Variants in VAV3 observed in about 807,000 individuals in gnomAD.
VAV3 encodes the protein guanine nucleotide exchange factor VAV3.
In VAV3, 94 loss-of-function variants were observed where a neutral mutation model predicts 131.2. That is an observed-to-expected ratio of 0.72 (90% CI 0.61 to 0.85). The LOEUF (loss-of-function observed/expected upper bound fraction) is 0.85, where lower values mean the gene tolerates loss of function less well. Ranked by LOEUF, VAV3 falls within the 40% of genes least tolerant of loss-of-function variation. The pLI is 0.00. For missense variants in VAV3, 939 were observed against 1,002.7 expected, an observed-to-expected ratio of 0.94 and a Z score of 0.86; for synonymous variants, 349 against 342.0, an observed-to-expected ratio of 1.02 and a Z score of -0.22.
intron 1 of VAV3, among the ~76,000 whole-genome samples, chr1:107,943,841 AC>A (rs751838974): frequency 4.6e-4 from 70 of 152,246 alleles, no homozygotes; most frequent in Middle Eastern, 3.4e-3. Context: ...ATGCTATTCC[AC>A]CCCAAATGAC....
At chr1:107,689,173 TC>T (rs1659245535) in intron 17 of VAV3, among the ~76,000 whole-genome samples, 1 of 152,064 alleles carries the variant, frequency 6.6e-6, no homozygotes, top group South Asian at 2.1e-4. Flanking sequence ...TTGCCTCCTT[TC>T]CCCATACCCA....
chr1:107,754,359 G>T (rs1663967317), intron 12 of VAV3, among the ~76,000 whole-genome samples: 1 of 152,188 alleles, frequency 6.6e-6, no homozygotes, highest in African/African-American at 2.4e-5. Flanking sequence ...TGGGTATGTG[G>T]CTGCATGTGT....
At chr1:107,626,551 C>T (rs1447788698) in intron 20 of VAV3, among the ~76,000 whole-genome samples, 1 of 152,166 alleles carries the variant, frequency 6.6e-6, no homozygotes, top group Non-Finnish European at 1.5e-5. Flanking sequence ...TCAATTCTGC[C>T]TTGGCTTCTA....
intron 20 of VAV3, among the ~76,000 whole-genome samples, chr1:107,638,686 T>C (rs891016680): frequency 5.3e-5 from 8 of 152,056 alleles, no homozygotes; most frequent in African/African-American, 1.7e-4. Context: ...GATCGCAAAA[T>C]TCATTTGACA....
intron 20 of VAV3, among the ~76,000 whole-genome samples, chr1:107,635,801 T>G (rs1654887676): frequency 1.3e-5 from 2 of 152,124 alleles, no homozygotes; most frequent in South Asian, 4.1e-4. Flanking sequence ...AACATGATTG[T>G]AAAAGAAGTG....
chr1:107,577,840 G>A (rs779175950), intron 25 of VAV3, among the ~76,000 whole-genome samples: 1 of 152,174 alleles, frequency 6.6e-6, no homozygotes, highest in Non-Finnish European at 1.5e-5. Context: ...TCTTCTTGAA[G>A]CCTATTTAAG....
intron 15 of VAV3, among the ~76,000 whole-genome samples, chr1:107,734,989 G>T (rs1178793955): frequency 6.6e-6 from 1 of 152,152 alleles, no homozygotes; most frequent in East Asian, 1.9e-4. Flanking sequence ...TAAAAGAACA[G>T]AAATCACAAC....
At chr1:107,733,122 C>G (rs568868209) in intron 15 of VAV3, among the ~76,000 whole-genome samples, 2 of 152,296 alleles carry the variant, frequency 1.3e-5, no homozygotes, top group African/African-American at 4.8e-5. Context: ...CCAGCAAACT[C>G]CAACAGACCT....
chr1:107,645,854 T>C (rs901668372), intron 19 of VAV3, among the ~76,000 whole-genome samples: 10 of 152,104 alleles, frequency 6.6e-5, no homozygotes, highest in African/African-American at 4.8e-5. Flanking sequence ...ATGCCTCTGA[T>C]AGGTTTTTAA....
chr1:107,920,975 A>T (rs1211772088), intron 1 of VAV3, among the ~76,000 whole-genome samples: 1 of 152,228 alleles, frequency 6.6e-6, no homozygotes, highest in Non-Finnish European at 1.5e-5. Flanking sequence ...TAGTATTTTA[A>T]TTAATATTGT....
chr1:107,596,438 T>G, intron 24 of VAV3, 97 bp from the exon 25 acceptor site: 1 of 1,355,800 alleles, frequency 7.4e-7, no homozygotes, highest in Non-Finnish European at 1.0e-6. Context: ...GATGACCAAT[T>G]TAATGCTAAA....
At chr1:107,656,588 T>G (rs929122371) in intron 19 of VAV3, among the ~76,000 whole-genome samples, 1 of 152,172 alleles carries the variant, frequency 6.6e-6, no homozygotes, top group South Asian at 2.1e-4. Context: ...TATTTCAAAA[T>G]AGCCAGGAAA....
At chr1:107,895,306 G>C (rs996517580) in intron 1 of VAV3, among the ~76,000 whole-genome samples, 2 of 152,118 alleles carry the variant, frequency 1.3e-5, no homozygotes, top group Admixed American at 1.3e-4. Flanking sequence ...GCTAACATTT[G>C]TATTCCACTT....
At chr1:107,858,555 G>A (rs1346670307) in intron 2 of VAV3, among the ~76,000 whole-genome samples, 1 of 152,192 alleles carries the variant, frequency 6.6e-6, no homozygotes, top group Non-Finnish European at 1.5e-5. Flanking sequence ...AGTCAGATCA[G>A]CAAGGGCATT....
chr1:107,645,145 C>G (rs1431652168), intron 19 of VAV3, among the ~76,000 whole-genome samples: 1 of 151,938 alleles, frequency 6.6e-6, no homozygotes, highest in Non-Finnish European at 1.5e-5. Context: ...CTGACCTCTT[C>G]CCCAAAGCAA....
chr1:107,654,934 A>G (rs919448939), intron 19 of VAV3, among the ~76,000 whole-genome samples: 1 of 152,170 alleles, frequency 6.6e-6, no homozygotes, highest in Non-Finnish European at 1.5e-5. Context: ...TAGGCTATAA[A>G]GAAAAATAAG....
At chr1:107,881,007 A>G (rs1467802070) in intron 1 of VAV3, among the ~76,000 whole-genome samples, 1 of 152,152 alleles carries the variant, frequency 6.6e-6, no homozygotes, top group African/African-American at 2.4e-5. Context: ...ATTTACCAAC[A>G]TTTACATAAC....
At chr1:107,698,204 A>T (rs61798893) in intron 17 of VAV3, among the ~76,000 whole-genome samples, 34,641 of 152,040 alleles carry the variant, frequency 0.23, 4,180 homozygotes, top group Middle Eastern at 0.34. Context: ...TTCATTTATG[A>T]TTTTTCCACT....
chr1:107,821,960 AC>A (rs1282923100), intron 2 of VAV3, among the ~76,000 whole-genome samples: 2 of 152,276 alleles, frequency 1.3e-5, no homozygotes, highest in Non-Finnish European at 2.9e-5. Context: ...GAAAGTGGGC[AC>A]TTTTAAAGAG....
Sources: gnomAD v4.1 joint callset for allele counts (sites outside exome capture counted in the v4.1 genomes callset) on GRCh38, gnomAD v4.1.1 for gene constraint, MANE v1.5 for transcripts, NCBI Gene and HGNC (gene_info 2026-07-23, HGNC 2026-07-21) for gene names.